Variants in CLSTN2 observed in about 807,000 individuals in gnomAD.
CLSTN2 encodes the protein calsyntenin-2.
Under a neutral mutation model 101.2 loss-of-function variants are expected in CLSTN2, and 48 were observed. The observed-to-expected ratio is 0.47, with a 90% CI of 0.38 to 0.60. The LOEUF is 0.60. CLSTN2 is among the 20% of genes least tolerant of loss of function. The probability of loss-of-function intolerance (pLI) is 0.00; values close to 1 mark genes in which losing one functional copy is unlikely to be tolerated. For synonymous variants in CLSTN2, 481 were observed against 463.6 expected (o/e 1.04, Z -0.48); for missense variants, 1,160 against 1,238.2 (o/e 0.94, Z 0.95).
intron 2 of CLSTN2, among the ~76,000 whole-genome samples, chr3:140,305,896 A>G (rs1019086605): frequency 3.9e-5 from 6 of 152,110 alleles, no homozygotes; most frequent in African/African-American, 1.4e-4. Flanking sequence ...TAATTATTTC[A>G]TTATTCTTCC....
At chr3:140,251,183 G>A (rs1467891634) in intron 2 of CLSTN2, among the ~76,000 whole-genome samples, 2 of 152,116 alleles carry the variant, frequency 1.3e-5, no homozygotes, top group Non-Finnish European at 2.9e-5. Context: ...GTGGAGAGAA[G>A]GGAGGAATGA....
intron 5 of CLSTN2, among the ~76,000 whole-genome samples, chr3:140,446,765 C>T (rs557409023): frequency 1.7e-4 from 26 of 152,252 alleles, no homozygotes; most frequent in Admixed American, 7.2e-4. Context: ...TCCCCCAATG[C>T]ATTTGTCCTT....
At position 140,111,087 on chromosome 3, in the gene CLSTN2, T is replaced by C. The variant is rs180964734; in HGVS notation, c.110-64864T>C. On this transcript the variant is annotated intron_variant, in intron 1 of 16. Coordinates refer to ENST00000458420, the MANE Select transcript of CLSTN2 (RefSeq NM_022131.3). ...TGTGTATCACTCTATGCTTCCTATCTCATGGCTAATCATTCTTGAGGTCAC... is the reference window on the plus strand; with the variant it reads ...TGTGTATCACTCTATGCTTCCTATCCCATGGCTAATCATTCTTGAGGTCAC... Among the ~76,000 whole-genome samples the C allele has an allele frequency of 2.0e-5, 3 of 152,302 alleles. No individual in the cohort carries two copies. The East Asian group carries it at 5.8e-4, about 29-fold the overall frequency.
chr3:140,542,274 A>G (rs1234973179), intron 9 of CLSTN2, among the ~76,000 whole-genome samples: 1 of 152,206 alleles, frequency 6.6e-6, no homozygotes, highest in Non-Finnish European at 1.5e-5. Flanking sequence ...ATTCTCTCAA[A>G]TCCATGTAAG....
rs2086499373 is a variant in CLSTN2 at position 140,244,644 on chromosome 3, G to A, written c.232+68571G>A. On this transcript the variant is annotated intron_variant, in intron 2 of 16. Coordinates refer to ENST00000458420, the MANE Select transcript of CLSTN2 (RefSeq NM_022131.3). The stretch of plus-strand genomic sequence containing the variant: ...GTTTATTGATGTAAACTTAACTGCA[G>A]TAAGAAAATGGCCTCTCTCCAAGAC... Among the ~76,000 whole-genome samples, 3 of 152,168 alleles carry A rather than the reference G, an allele frequency of 2.0e-5. No homozygotes were observed. The South Asian group carries it at 6.2e-4, about 31-fold the overall frequency.
intron 2 of CLSTN2, among the ~76,000 whole-genome samples, chr3:140,184,481 C>T (rs1001983150): frequency 6.6e-6 from 1 of 152,098 alleles, no homozygotes; most frequent in African/African-American, 2.4e-5. Context: ...ATCATGAGAA[C>T]AGGATTGGGA....
chr3:140,307,732 C>G (rs2107914499), intron 2 of CLSTN2, among the ~76,000 whole-genome samples: 1 of 152,262 alleles, frequency 6.6e-6, no homozygotes, highest in East Asian at 1.9e-4. Flanking sequence ...AAATCAGCTT[C>G]CCTAAAATGT....
At chr3:140,536,807 G>A (rs972444772) in intron 9 of CLSTN2, among the ~76,000 whole-genome samples, 1 of 152,182 alleles carries the variant, frequency 6.6e-6, no homozygotes, top group South Asian at 2.1e-4. Flanking sequence ...TTTGGCATCC[G>A]TGTATTCAGG....
At chr3:140,101,698 T>A (rs1314946628) in intron 1 of CLSTN2, among the ~76,000 whole-genome samples, 3 of 152,186 alleles carry the variant, frequency 2.0e-5, no homozygotes, top group Non-Finnish European at 2.9e-5. Context: ...GGTTGTTGGT[T>A]TTCCAGGACA....
At chr3:140,491,362 T>C (rs1934349540) in intron 8 of CLSTN2, among the ~76,000 whole-genome samples, 1 of 152,212 alleles carries the variant, frequency 6.6e-6, no homozygotes, top group African/African-American at 2.4e-5. Context: ...TATCAATTCA[T>C]TTAATTTGAG....
chr3:140,432,867 C>G (rs1161371956), intron 5 of CLSTN2, among the ~76,000 whole-genome samples: 1 of 152,220 alleles, frequency 6.6e-6, no homozygotes, highest in South Asian at 2.1e-4. Context: ...ATCATTACCA[C>G]TCACTGAGCA....
At chr3:139,997,595 C>T (rs1368980595) in intron 1 of CLSTN2, among the ~76,000 whole-genome samples, 3 of 152,080 alleles carry the variant, frequency 2.0e-5, no homozygotes, top group South Asian at 2.1e-4. Context: ...TTCTAGTTAA[C>T]GCCATTCTGC....
chr3:140,190,264 C>T (rs1339403703), intron 2 of CLSTN2, among the ~76,000 whole-genome samples: 1 of 152,016 alleles, frequency 6.6e-6, no homozygotes, highest in Admixed American at 6.6e-5. Context: ...TTCTCTCATC[C>T]ATTAATCTTT....
rs182845124 is a variant in CLSTN2 at position 140,230,636 on chromosome 3, G to A, written c.232+54563G>A. 5.9e-4 allele frequency among the ~76,000 whole-genome samples: 90 copies of A among 152,282 alleles called. No homozygotes were observed. The East Asian group carries it at 0.016, about 27-fold the overall frequency. On this transcript the variant is annotated intron_variant, in intron 2 of 16. Coordinates refer to ENST00000458420, the MANE Select transcript of CLSTN2 (RefSeq NM_022131.3). ...AGACCATCCATGAAACAGAAAGCTA[G>A]CTCTCTGCAGACACAAAATCTGCCG...
At chr3:140,296,415 A>G (rs1468787296) in intron 2 of CLSTN2, among the ~76,000 whole-genome samples, 1 of 152,150 alleles carries the variant, frequency 6.6e-6, no homozygotes, top group Non-Finnish European at 1.5e-5. Context: ...ACATCATCAC[A>G]CTTTATCTGT....
At chr3:140,559,823 C>T (rs1057191065) in intron 12 of CLSTN2, among the ~76,000 whole-genome samples, 2 of 152,122 alleles carry the variant, frequency 1.3e-5, no homozygotes, top group South Asian at 2.1e-4. Flanking sequence ...CCACCCTGGT[C>T]CCTAGTGAAG....
chr3:140,061,836 T>TC (rs1378014947), intron 1 of CLSTN2, among the ~76,000 whole-genome samples: 2 of 152,196 alleles, frequency 1.3e-5, no homozygotes, highest in African/African-American at 4.8e-5. Context: ...TCTTTTTACT[T>TC]CCACACTTCT....
chr3:140,450,175 G>C (rs1049218662), intron 6 of CLSTN2: 1 of 152,136 alleles, frequency 6.6e-6, no homozygotes, highest in Non-Finnish European at 1.5e-5. Flanking sequence ...TCCCATTTTA[G>C]AGGTGAAAAA....
At chr3:140,431,640 TC>T (rs2088629482) in intron 5 of CLSTN2, among the ~76,000 whole-genome samples, 1 of 152,184 alleles carries the variant, frequency 6.6e-6, no homozygotes, top group Admixed American at 6.5e-5. Context: ...TCTACATTCT[TC>T]CTCTGGTTCC....
Sources: allele counts gnomAD v4.1 joint callset (sites outside exome capture counted in the v4.1 genomes callset), GRCh38; gene constraint gnomAD v4.1.1; transcripts MANE v1.5; gene names NCBI Gene and HGNC (gene_info 2026-07-23, HGNC 2026-07-21).